Variants in SMYD3 observed in about 807,000 individuals in gnomAD.
SMYD3 encodes SET and MYND domain containing 3, also known as histone-lysine N-methyltransferase SMYD3.
SMYD3 carries 36 observed loss-of-function variants against 57.7 expected under a neutral mutation model. That is an observed-to-expected ratio of 0.62 (90% CI 0.48 to 0.82). The LOEUF is 0.82. Ranked by LOEUF, SMYD3 falls within the 40% of genes least tolerant of loss-of-function variation. SMYD3 has a pLI of 0.00. For synonymous variants in SMYD3, 211 were observed against 195.0 expected, an observed-to-expected ratio of 1.08 and a Z score of -0.68; for missense variants, 515 against 538.8, an observed-to-expected ratio of 0.96 and a Z score of 0.44.
Position 245,869,619 on chromosome 1 carries a change from C to T in SMYD3, c.814-5733G>A, listed in dbSNP as rs892270639. On this transcript the variant is annotated intron_variant, in intron 8 of 11. Coordinates refer to ENST00000490107, the MANE Select transcript of SMYD3 (RefSeq NM_001167740.2). The stretch of plus-strand genomic sequence containing the variant: ...CTGTGCCGTTGTTCTCAGGTAAGAA[C>T]GAGTCTCATTTGTCCATTCTCTCTC... Among the ~76,000 whole-genome samples the T allele has an allele frequency of 3.9e-5, 6 of 152,294 alleles. No homozygotes were observed. In the East Asian group the frequency reaches 5.8e-4, roughly 15 times the overall value.
intron 2 of SMYD3, among the ~76,000 whole-genome samples, chr1:246,351,138 A>G (rs1255022295): frequency 6.6e-6 from 1 of 152,216 alleles, no homozygotes; most frequent in African/African-American, 2.4e-5. Flanking sequence ...TAAGCATAAA[A>G]TGTAAACCCA....
chr1:246,281,794 C>T (rs1016427747), intron 5 of SMYD3, among the ~76,000 whole-genome samples: 4 of 152,122 alleles, frequency 2.6e-5, no homozygotes, highest in Non-Finnish European at 5.9e-5. Flanking sequence ...GACACCCATA[C>T]GTGACTATGG....
At chr1:246,050,900 C>T (rs12032075) in intron 5 of SMYD3, among the ~76,000 whole-genome samples, 22,343 of 151,952 alleles carry the variant, frequency 0.15, 1,868 homozygotes, top group East Asian at 0.4. Context: ...TTCAGGATTG[C>T]TTGGGACCAA....
At chr1:246,045,983 T>C (rs910820366) in intron 5 of SMYD3, among the ~76,000 whole-genome samples, 4 of 152,164 alleles carry the variant, frequency 2.6e-5, no homozygotes, top group Admixed American at 2.6e-4. Context: ...CAACAGGTGC[T>C]GGAGAGGATG....
intron 5 of SMYD3, among the ~76,000 whole-genome samples, chr1:246,268,191 G>A (rs903602324): frequency 2.6e-5 from 4 of 152,118 alleles, no homozygotes; most frequent in Admixed American, 1.3e-4. Context: ...CAAGATAAAG[G>A]TCATAAAGAC....
At chr1:246,036,406 A>G (rs544031124) in intron 5 of SMYD3, among the ~76,000 whole-genome samples, 4 of 152,300 alleles carry the variant, frequency 2.6e-5, no homozygotes, top group South Asian at 2.1e-4. Flanking sequence ...GAGGCATCCA[A>G]TTTCATCATT....
At chr1:245,756,722 T>C (rs1043970187) in intron 11 of SMYD3, among the ~76,000 whole-genome samples, 4 of 152,194 alleles carry the variant, frequency 2.6e-5, no homozygotes, top group East Asian at 1.9e-4. Context: ...CTGTGGTTTC[T>C]GATGAGAAAA....
At chr1:246,461,033 C>A (rs1443697854) in intron 1 of SMYD3, among the ~76,000 whole-genome samples, 1 of 152,188 alleles carries the variant, frequency 6.6e-6, no homozygotes, top group Non-Finnish European at 1.5e-5. Context: ...CAGAAGACAG[C>A]TGTGCTCAAA....
At chr1:246,373,376 A>G (rs2066221019) in intron 1 of SMYD3, among the ~76,000 whole-genome samples, 1 of 152,214 alleles carries the variant, frequency 6.6e-6, no homozygotes, top group South Asian at 2.1e-4. Context: ...ATTTATTCCA[A>G]TGTTTAGAAT....
At chr1:246,489,981 C>T (rs12058167) in intron 1 of SMYD3, among the ~76,000 whole-genome samples, 17,908 of 149,840 alleles carry the variant, frequency 0.12, 2,825 homozygotes, top group African/African-American at 0.36. Flanking sequence ...GTACGACCAC[C>T]GCACCTTGCT....
At chr1:245,877,762 G>A (rs192909288) in intron 8 of SMYD3, among the ~76,000 whole-genome samples, 9 of 152,280 alleles carry the variant, frequency 5.9e-5, no homozygotes, top group East Asian at 3.9e-4. Context: ...GGAAAGGGAC[G>A]TTCGCTTTTG....
At chr1:246,031,241 T>C (rs1200901818) in intron 5 of SMYD3, among the ~76,000 whole-genome samples, 1 of 152,094 alleles carries the variant, frequency 6.6e-6, no homozygotes, top group Non-Finnish European at 1.5e-5. Flanking sequence ...TAATAAATCA[T>C]ACTAAATGAT....
intron 10 of SMYD3, among the ~76,000 whole-genome samples, chr1:245,832,476 G>A (rs1042097896): frequency 4.5e-5 from 1 of 22,150 alleles, no homozygotes; most frequent in African/African-American, 9.2e-5. Flanking sequence ...TCGATTTAAT[G>A]TTTTTTTTGT....
At chr1:246,493,389 A>T (rs1397581672) in intron 1 of SMYD3, among the ~76,000 whole-genome samples, 1 of 152,204 alleles carries the variant, frequency 6.6e-6, no homozygotes, top group Non-Finnish European at 1.5e-5. Context: ...CAGAAAACTT[A>T]AAAAGGATGT....
At chr1:246,226,337 T>A (rs2063330038) in intron 5 of SMYD3, among the ~76,000 whole-genome samples, 1 of 151,218 alleles carries the variant, frequency 6.6e-6, no homozygotes, top group East Asian at 1.9e-4. Context: ...TTGCATGAGT[T>A]AAATATCATT....
chr1:245,830,740 A>C (rs2049788361), intron 10 of SMYD3, among the ~76,000 whole-genome samples: 1 of 152,210 alleles, frequency 6.6e-6, no homozygotes, highest in Non-Finnish European at 1.5e-5. Context: ...TAAGATTTAC[A>C]GTTTGCTAGA....
Position 246,507,173 on chromosome 1 carries a change from TC to T in SMYD3, c.44del (p.Gly15GlufsTer7). On this transcript the variant is annotated frameshift_variant, in exon 1 of 12. Transcript: ENST00000490107. LOFTEE classifies it high-confidence loss of function. ...KVEKFATAKR[G>X]NGLRAVTPLR... ...GCGGGGTCACGGCGCGCAGCCCGTT[TC>T]CCCTCTTGGCGGTTGCGAACTTTTC... is the stretch of plus-strand genomic sequence containing the variant. The T allele has an allele frequency of 6.5e-7, 1 of 1,532,162 alleles. No homozygotes were observed. The highest frequency in any genetic ancestry group is 8.8e-7 in the Non-Finnish European group (1 of 1,139,594). 94.9% of individuals were successfully genotyped at this position (1,532,162 alleles called of 1,614,324 possible). A position where few individuals can be genotyped will look rare whatever the true frequency, so the allele number is the denominator to read the frequency against.
At chr1:245,758,933 C>G (rs575425183) in intron 11 of SMYD3, among the ~76,000 whole-genome samples, 4 of 152,296 alleles carry the variant, frequency 2.6e-5, no homozygotes, top group Admixed American at 2.0e-4. Flanking sequence ...AATTTTACCT[C>G]AACCTGCTTT....
intron 5 of SMYD3, among the ~76,000 whole-genome samples, chr1:246,078,406 G>T (rs2060582405): frequency 6.6e-6 from 1 of 152,142 alleles, no homozygotes; most frequent in Non-Finnish European, 1.5e-5. Flanking sequence ...ACCGTGATAA[G>T]GAAGGCTTCT....
Sources: allele counts gnomAD v4.1 joint callset (sites outside exome capture counted in the v4.1 genomes callset), GRCh38; gene constraint gnomAD v4.1.1; transcripts MANE v1.5; gene names NCBI Gene and HGNC (gene_info 2026-07-23, HGNC 2026-07-21).